AGBL4: variants seen among roughly 807,000 people sequenced by gnomAD.
The protein encoded by AGBL4 is cytosolic carboxypeptidase 6.
Under a neutral mutation model 66.4 loss-of-function variants are expected in AGBL4, and 58 were observed. The observed-to-expected ratio is 0.87, with a 90% CI of 0.71 to 1.09. AGBL4 has a LOEUF of 1.09. AGBL4 is among the 50% of genes least tolerant of loss of function. The pLI is 0.00. For synonymous variants in AGBL4, 234 were observed against 222.9 expected (o/e 1.05, Z -0.44); for missense variants, 579 against 631.0 (o/e 0.92, Z 0.88).
chr1:49,374,868 T>C (rs184136119), intron 3 of AGBL4, among the ~76,000 whole-genome samples: 69 of 152,314 alleles, frequency 4.5e-4, no homozygotes, highest in Non-Finnish European at 7.2e-4. Flanking sequence ...GACCATGTCA[T>C]ACCTACAGTT....
At chr1:49,784,584 G>C (rs1347287175) in intron 2 of AGBL4, among the ~76,000 whole-genome samples, 1 of 151,828 alleles carries the variant, frequency 6.6e-6, no homozygotes, top group African/African-American at 2.4e-5. Flanking sequence ...TCATGATCTC[G>C]GATCAGGCAA....
chr1:49,619,723 T>G (rs1320195277), intron 3 of AGBL4, among the ~76,000 whole-genome samples: 1 of 151,844 alleles, frequency 6.6e-6, no homozygotes, highest in African/African-American at 2.4e-5. Flanking sequence ...TCAAACTATA[T>G]TAAAAGACTA....
At chr1:49,368,086 T>A (rs1338225915) in intron 3 of AGBL4, among the ~76,000 whole-genome samples, 1 of 152,228 alleles carries the variant, frequency 6.6e-6, no homozygotes, top group Non-Finnish European at 1.5e-5. Context: ...TTGTAGCATG[T>A]ATCAGTCTGT....
chr1:49,192,483 G>A (rs1480066627), intron 4 of AGBL4, among the ~76,000 whole-genome samples: 1 of 152,114 alleles, frequency 6.6e-6, no homozygotes, highest in East Asian at 1.9e-4. Flanking sequence ...ATTTTTAGTA[G>A]AGACAGGGTT....
intron 3 of AGBL4, among the ~76,000 whole-genome samples, chr1:49,286,517 C>A (rs1644413897): frequency 6.6e-6 from 1 of 152,114 alleles, no homozygotes; most frequent in Non-Finnish European, 1.5e-5. Flanking sequence ...AGCAAAGTCT[C>A]AGGATACAAA....
rs1436306846 is a variant in AGBL4 at position 49,008,620 on chromosome 1, C to G, written c.594+36964G>C. On this transcript the variant is annotated intron_variant, in intron 5 of 13. Transcript: ENST00000371839. ...CACCTATTCCAAAATTGACCACATA[C>G]TTGGAAGTAAAGCTCTCCTCAGCAA... 3.7e-4 allele frequency among the ~76,000 whole-genome samples: 52 copies of G among 140,580 alleles called. 1 individual carries two copies. The highest frequency in any genetic ancestry group is 1.1e-3 in the African/African-American group (42 of 36,696). 92.2% of individuals were successfully genotyped at this position (140,580 alleles called of 152,430 possible). A position where few individuals can be genotyped will look rare whatever the true frequency, so the allele number is the denominator to read the frequency against.
chr1:49,347,051 T>C (rs1324984463), intron 3 of AGBL4, among the ~76,000 whole-genome samples: 1 of 152,214 alleles, frequency 6.6e-6, no homozygotes, highest in Non-Finnish European at 1.5e-5. Flanking sequence ...AGTTTCACTT[T>C]AAAGCTAATA....
At chr1:50,006,671 GA>G (rs71572699) in intron 1 of AGBL4, among the ~76,000 whole-genome samples, 20 of 144,786 alleles carry the variant, frequency 1.4e-4, no homozygotes, top group East Asian at 1.2e-3. Flanking sequence ...GTGTAGAAGG[GA>G]AAAAAAAAAA....
At chr1:49,126,845 T>C (rs1645774941) in intron 4 of AGBL4, among the ~76,000 whole-genome samples, 1 of 152,092 alleles carries the variant, frequency 6.6e-6, no homozygotes, top group South Asian at 2.1e-4. Context: ...TATCTTTATA[T>C]CAAAAAATAC....
intron 3 of AGBL4, among the ~76,000 whole-genome samples, chr1:49,646,788 A>G (rs181267117): frequency 6.6e-6 from 1 of 152,178 alleles, no homozygotes; most frequent in African/African-American, 2.4e-5. Flanking sequence ...ACAGTCCTAC[A>G]ATATTCAAAG....
chr1:49,604,724 A>G (rs1645032440), intron 3 of AGBL4, among the ~76,000 whole-genome samples: 1 of 152,106 alleles, frequency 6.6e-6, no homozygotes, highest in African/African-American at 2.4e-5. Context: ...GACTTCTTCC[A>G]TCTCACTAGT....
chr1:49,145,034 C>T (rs77278192), intron 4 of AGBL4, among the ~76,000 whole-genome samples: 293 of 152,116 alleles, frequency 1.9e-3, no homozygotes, highest in African/African-American at 6.2e-3. Flanking sequence ...AGCCTTACCC[C>T]GGATCAGGCA....
At chr1:49,695,118 A>T (rs1646959413) in intron 3 of AGBL4, among the ~76,000 whole-genome samples, 3 of 152,066 alleles carry the variant, frequency 2.0e-5, no homozygotes. Context: ...AGGCAAGCTG[A>T]GGGATGTGCT....
chr1:49,317,218 T>C (rs542790192), intron 3 of AGBL4, among the ~76,000 whole-genome samples: 3 of 152,032 alleles, frequency 2.0e-5, no homozygotes, highest in South Asian at 4.1e-4. Flanking sequence ...TTTCTACAAA[T>C]AATAGGTGTT....
chr1:49,301,932 C>A (rs1239160839), intron 3 of AGBL4, among the ~76,000 whole-genome samples: 1 of 152,142 alleles, frequency 6.6e-6, no homozygotes, highest in African/African-American at 2.4e-5. Flanking sequence ...CCTCCAAATT[C>A]TCTGGAGGAT....
At chr1:49,600,476 C>A (rs1644933003) in intron 3 of AGBL4, among the ~76,000 whole-genome samples, 2 of 152,114 alleles carry the variant, frequency 1.3e-5, no homozygotes, top group African/African-American at 4.8e-5. Context: ...AATATTCCTC[C>A]ACCAATTATT....
intron 5 of AGBL4, among the ~76,000 whole-genome samples, chr1:49,024,343 C>G (rs114127155): frequency 1.4e-3 from 220 of 152,254 alleles, no homozygotes; most frequent in African/African-American, 5.1e-3. Flanking sequence ...TTTACCACAT[C>G]TCCAATATGC....
chr1:49,481,242 A>G (rs556007074), intron 3 of AGBL4, among the ~76,000 whole-genome samples: 1 of 152,132 alleles, frequency 6.6e-6, no homozygotes, highest in Admixed American at 6.6e-5. Context: ...TTTAACAATA[A>G]TGATTCTTTC....
chr1:50,022,644 AC>A (rs1662534946), intron 1 of AGBL4, among the ~76,000 whole-genome samples: 1 of 151,602 alleles, frequency 6.6e-6, no homozygotes, highest in East Asian at 1.9e-4. Context: ...ACACACACAC[AC>A]ACACACACAC....
Sources: allele counts gnomAD v4.1 joint callset (sites outside exome capture counted in the v4.1 genomes callset), GRCh38; gene constraint gnomAD v4.1.1; transcripts MANE v1.5; gene names NCBI Gene and HGNC (gene_info 2026-07-23, HGNC 2026-07-21).